The following ZNF813 variants were observed in gnomAD, a reference collection of about 807,000 sequenced individuals.
The protein encoded by ZNF813 is zinc finger protein 813.
Under a neutral mutation model 7.2 loss-of-function variants are expected in ZNF813, and 3 were observed. That is an observed-to-expected ratio of 0.42 (90% CI 0.19 to 1.08). The LOEUF is 1.08. Ranked by LOEUF, ZNF813 falls within the 50% of genes least tolerant of loss-of-function variation. The probability of loss-of-function intolerance (pLI) is 0.30; values close to 1 mark genes in which losing one functional copy is unlikely to be tolerated. For missense variants in ZNF813, 714 were observed against 753.3 expected (o/e 0.95, Z 0.61); for synonymous variants, 227 against 256.3 (o/e 0.89, Z 1.09).
At chr19:53,482,153 G>A (rs903624948) in intron 1 of ZNF813, among the ~76,000 whole-genome samples, 4 of 152,062 alleles carry the variant, frequency 2.6e-5, no homozygotes, top group African/African-American at 9.7e-5. Flanking sequence ...GTGCCCAGTT[G>A]TAATTAGAAT....
Position 53,491,969 on chromosome 19 carries a change from C to T in ZNF813, c.1737C>T (p.Tyr579=). The T allele has an allele frequency of 6.2e-7, 1 of 1,613,892 alleles. No homozygotes were observed. The highest frequency in any genetic ancestry group is 8.5e-7 in the Non-Finnish European group (1 of 1,179,924). ...HHRLHTGEKP[Y]KCNECGKVFN... ...GACTTCATACTGGAGAGAAACCTTA[C>T]AAGTGTAATGAATGTGGCAAGGTTT... The change falls in exon 4 of 4, where the codon TAC becomes TAT. Residue 579 remains tyrosine (Y), a synonymous_variant. Coordinates refer to ENST00000396403, the MANE Select transcript of ZNF813 (RefSeq NM_001004301.4).
intron 1 of ZNF813, among the ~76,000 whole-genome samples, chr19:53,474,917 G>A (rs1321912073): frequency 1.3e-5 from 2 of 152,110 alleles, no homozygotes; most frequent in Non-Finnish European, 2.9e-5. Flanking sequence ...GGAGGTTCTG[G>A]GAGGAGAGGC....
At position 53,493,621 on chromosome 19, in the gene ZNF813, CT is replaced by C. The variant is rs1341525281; in HGVS notation, c.*1536del. 1 of 152,152 alleles carries C rather than the reference CT, an allele frequency of 6.6e-6. No individual in the cohort carries two copies. Among genetic ancestry groups the C allele is most frequent in the Non-Finnish European group, 1.5e-5 (1 of 68,086 alleles). 9.4% of individuals were successfully genotyped at this position (152,152 alleles called of 1,614,324 possible). On this transcript the variant is annotated 3_prime_UTR_variant, in exon 4 of 4. Transcript: ENST00000396403. ...TTATTGTTAATGTATGGAAATTCAGCTAATTTTTGGTGCTGATATTGTACTG... is the reference window on the plus strand; with the variant it reads ...TTATTGTTAATGTATGGAAATTCAGCAATTTTTGGTGCTGATATTGTACTG...
At position 53,491,974 on chromosome 19, in the gene ZNF813, G is replaced by A. The variant is rs2086466009; in HGVS notation, c.1742G>A (p.Cys581Tyr). The part of the protein sequence containing the change: ...RLHTGEKPYK[C>Y]NECGKVFNQK... Reference sequence around the variant, plus strand: ...CATACTGGAGAGAAACCTTACAAGTGTAATGAATGTGGCAAGGTTTTTAAT... The same window carrying A: ...CATACTGGAGAGAAACCTTACAAGTATAATGAATGTGGCAAGGTTTTTAAT... Residue 581 changes from cysteine (C) to tyrosine (Y), a missense_variant, in exon 4 of 4, where the codon TGT becomes TAT. Physicochemically the swap from Cys to Tyr is radical, Grantham distance 194. Transcript: ENST00000396403. 4 of 1,613,840 alleles carry A rather than the reference G, an allele frequency of 2.5e-6. No homozygotes were observed. The highest frequency in any genetic ancestry group is 3.4e-6 in the Non-Finnish European group (4 of 1,179,918).
intron 3 of ZNF813, among the ~76,000 whole-genome samples, chr19:53,487,294 G>A (rs540295290): frequency 2.0e-5 from 3 of 152,134 alleles, no homozygotes; most frequent in East Asian, 3.9e-4. Context: ...TTGCATTTCT[G>A]TTACATATTA....
Position 53,492,445 on chromosome 19 carries a change from G to A in ZNF813, c.*359G>A. 2.4e-6 allele frequency: 1 copy of A among 419,926 alleles called. No individual in the cohort carries two copies. Among genetic ancestry groups the A allele is most frequent in the Non-Finnish European group, 4.6e-6 (1 of 217,208 alleles). 26.0% of individuals were successfully genotyped at this position (419,926 alleles called of 1,614,324 possible). On this transcript the variant is annotated 3_prime_UTR_variant, in exon 4 of 4. Coordinates refer to ENST00000396403, the MANE Select transcript of ZNF813 (RefSeq NM_001004301.4). ...TGAAAGACATAAAATAAATCATACT[G>A]CAGAGAAACCATAAAATTGTAAGAG...
chr19:53,479,793 C>T (rs1446625361), intron 1 of ZNF813: 76 of 1,226,426 alleles, frequency 6.2e-5, no homozygotes, highest in African/African-American at 2.8e-4. Context: ...GCTGAGCTGG[C>T]AGAGTCCCGT....
rs147335478 is a variant in ZNF813, at chr19:53,471,611, C to G, written c.-74+3822C>G. Among the ~76,000 whole-genome samples, 384 of 151,606 alleles carry G rather than the reference C, an allele frequency of 2.5e-3. 2 individuals are homozygous for G. Among genetic ancestry groups the G allele is most frequent in the African/African-American group, 8.6e-3 (357 of 41,286 alleles). ...GATCACAAGGTCAGGAGATCAAGAC[C>G]ATCCTGGCTAACACGGTGAAACCCC... On this transcript the variant is annotated intron_variant, in intron 1 of 3. Transcript: ENST00000396403.
At chr19:53,483,422 A>G (rs1170397132) in intron 1 of ZNF813, among the ~76,000 whole-genome samples, 2 of 151,812 alleles carry the variant, frequency 1.3e-5, no homozygotes, top group African/African-American at 4.9e-5. Flanking sequence ...ACCTGAGCTC[A>G]AGAGATCTAC....
chr19:53,489,342 C>T (rs893118332), intron 3 of ZNF813, among the ~76,000 whole-genome samples: 4 of 152,108 alleles, frequency 2.6e-5, no homozygotes, highest in African/African-American at 9.7e-5. Flanking sequence ...GTGGCTCGTG[C>T]CTGTAGTCCC....
In ZNF813 at chr19:53,470,401, G is replaced by T. The variant is rs547866707; in HGVS notation, c.-74+2612G>T. Among the ~76,000 whole-genome samples, 13 of 150,172 alleles carry T rather than the reference G, an allele frequency of 8.7e-5. No individual in the cohort carries two copies. In the South Asian group the frequency reaches 2.1e-3, roughly 24 times the overall value. The stretch of plus-strand genomic sequence containing the variant: ...ATTTCTGCCTGAGTTTTCTCCCTTT[G>T]CTTTTTATAAACAAGATTTTAATAG... On this transcript the variant is annotated intron_variant, in intron 1 of 3. Transcript: ENST00000396403.
intron 3 of ZNF813, among the ~76,000 whole-genome samples, chr19:53,486,981 GT>G (rs67693797): frequency 0.44 from 38,124 of 85,712 alleles, 5,886 homozygotes; most frequent in Non-Finnish European, 0.52. Context: ...TACTTTTTTA[GT>G]TTTTTTTTTT....
intron 3 of ZNF813, among the ~76,000 whole-genome samples, chr19:53,487,847 A>G (rs1235279379): frequency 1.3e-5 from 2 of 151,230 alleles, no homozygotes; most frequent in African/African-American, 2.4e-5. Flanking sequence ...CTCTTTCTCC[A>G]CCAGAACTCT....
chr19:53,490,204 A>G (rs2617668), intron 3 of ZNF813, among the ~76,000 whole-genome samples, 171 bp from the exon 4 acceptor site: 38,302 of 152,144 alleles, frequency 0.25, 5,476 homozygotes, highest in African/African-American at 0.39. Flanking sequence ...GATTTGAAGC[A>G]CATGTAATAG....
intron 1 of ZNF813, among the ~76,000 whole-genome samples, chr19:53,481,169 T>A (rs1400421762): frequency 1.3e-5 from 2 of 152,078 alleles, no homozygotes; most frequent in Non-Finnish European, 2.9e-5. Flanking sequence ...TTTATGAGCC[T>A]GGGAGTGCTA....
In ZNF813 at chr19:53,490,801, A is replaced by T. The variant is rs746024242; in HGVS notation, c.569A>T (p.Asn190Ile). Residue 190 changes from asparagine (N) to isoleucine (I), a missense_variant, in exon 4 of 4, where the codon AAT (asparagine) becomes ATT (isoleucine). Physicochemically the swap from Asn to Ile is moderately radical, Grantham distance 149. Transcript: ENST00000396403. ...TGTAGGCCCAAAACCCATATTTCTAATAACTATGGGAATAATTTCCGGAAT... is the reference window on the plus strand; with the variant it reads ...TGTAGGCCCAAAACCCATATTTCTATTAACTATGGGAATAATTTCCGGAAT... Reference protein sequence around the residue: ...ISCRPKTHISNNYGNNFRNSS... With the variant: ...ISCRPKTHISINYGNNFRNSS... 3 of 1,614,228 alleles carry T rather than the reference A, an allele frequency of 1.9e-6. No homozygotes were observed. Among genetic ancestry groups the T allele is most frequent in the African/African-American group, 2.7e-5 (2 of 75,062 alleles).
rs67693797 is a variant in ZNF813 at position 53,486,981 on chromosome 19, G to GT, written c.142+246dup. Among the ~76,000 whole-genome samples, 366 of 86,046 alleles carry GT rather than the reference G, an allele frequency of 4.3e-3. 3 individuals carry two copies. Among genetic ancestry groups the GT allele is most frequent in the Middle Eastern group, 0.013 (2 of 152 alleles). 56.4% of individuals were successfully genotyped at this position (86,046 alleles called of 152,430 possible). A position where few individuals can be genotyped will look rare whatever the true frequency, so the allele number is the denominator to read the frequency against. On this transcript the variant is annotated intron_variant, in intron 3 of 3. Coordinates refer to ENST00000396403, the MANE Select transcript of ZNF813 (RefSeq NM_001004301.4). ...GTGACCATGTCCGGCTACTTTTTTAGTTTTTTTTTTTTTTTTTTTTTTTAG... is the reference window on the plus strand; with the variant it reads ...GTGACCATGTCCGGCTACTTTTTTAGTTTTTTTTTTTTTTTTTTTTTTTTAG...
intron 1 of ZNF813, chr19:53,479,603 A>G (rs2086397780): frequency 8.3e-7 from 1 of 1,205,176 alleles, no homozygotes; most frequent in Admixed American, 1.8e-5. Context: ...GCTGCTGATG[A>G]GAGTGAGAGA....
At chr19:53,476,959 G>A (rs189196121) in intron 1 of ZNF813, among the ~76,000 whole-genome samples, 1 of 152,276 alleles carries the variant, frequency 6.6e-6, no homozygotes, top group Non-Finnish European at 1.5e-5. Flanking sequence ...ACCGCGCCTG[G>A]CTGTGGGAGA....
Sources: allele counts gnomAD v4.1 joint callset (sites outside exome capture counted in the v4.1 genomes callset), GRCh38; gene constraint gnomAD v4.1.1; transcripts MANE v1.5; gene names NCBI Gene and HGNC (gene_info 2026-07-23, HGNC 2026-07-21).